Variants in PTPRU observed in about 807,000 individuals in gnomAD.
PTPRU encodes the protein receptor-type tyrosine-protein phosphatase U.
A neutral mutation model predicts 166.3 loss-of-function variants in PTPRU; 69 were observed. The observed-to-expected ratio is 0.41, with a 90% CI of 0.34 to 0.51. The LOEUF is 0.51. PTPRU is among the 20% of genes least tolerant of loss of function. The pLI is 0.09. For synonymous variants in PTPRU, 793 were observed against 814.0 expected (o/e 0.97, Z 0.44); for missense variants, 1,657 against 2,013.7 (o/e 0.82, Z 3.39).
chr1:29,323,587 C>A (rs2151972320), intron 27 of PTPRU, 44 bp from the exon 28 acceptor site: 2 of 1,612,410 alleles, frequency 1.2e-6, no homozygotes, highest in East Asian at 4.5e-5. Flanking sequence ...GCCCCTGGGA[C>A]CCTGGTGCTC....
At position 29,319,579 on chromosome 1, in the gene PTPRU, AT is replaced by A. The variant is rs1688056748; in HGVS notation, c.3688-1105del. 1.3e-5 allele frequency among the ~76,000 whole-genome samples: 2 copies of A among 152,220 alleles called. 1 individual carries two copies. Among genetic ancestry groups the A allele is most frequent in the Non-Finnish European group, 2.9e-5 (2 of 68,038 alleles). ...TGGGCACCCAGGCCTGAGTTTTGGA[AT>A]CTGGCTGGGCCTGGCCTTGAGGAGT... On this transcript the variant is annotated intron_variant, in intron 25 of 29. Coordinates refer to ENST00000373779, the MANE Select transcript of PTPRU (RefSeq NM_133178.4).
chr1:29,318,173 CA>C (rs1427897008), intron 25 of PTPRU, among the ~76,000 whole-genome samples: 5 of 152,176 alleles, frequency 3.3e-5, no homozygotes, highest in African/African-American at 1.2e-4. Flanking sequence ...AGATTAGGCC[CA>C]GCAGAGCCTG....
chr1:29,316,364 A>G (rs1332597548), intron 24 of PTPRU, among the ~76,000 whole-genome samples: 1 of 152,202 alleles, frequency 6.6e-6, no homozygotes, highest in African/African-American at 2.4e-5. Context: ...TTGAAGTCAG[A>G]TAAACCCAGG....
chr1:29,292,165 C>A, intron 15 of PTPRU, 139 bp downstream of exon 15: 1 of 1,147,662 alleles, frequency 8.7e-7, no homozygotes, highest in East Asian at 2.5e-5. Context: ...TGGATACCTT[C>A]TGGATATAGA....
At chr1:29,301,698 A>G (rs1482451614) in intron 15 of PTPRU, among the ~76,000 whole-genome samples, 6 of 152,050 alleles carry the variant, frequency 3.9e-5, no homozygotes, top group Admixed American at 6.6e-5. Context: ...CTTGTCATTT[A>G]CATTAGGTAT....
chr1:29,303,823 T>C (rs1687253005), intron 15 of PTPRU, 32 bp from the exon 16 acceptor site: 2 of 1,572,460 alleles, frequency 1.3e-6, no homozygotes, highest in African/African-American at 1.4e-5. Flanking sequence ...GGCATGTGTG[T>C]CAAGAACCCT....
intron 15 of PTPRU, among the ~76,000 whole-genome samples, chr1:29,296,459 A>G (rs1238745774): frequency 6.6e-6 from 1 of 151,074 alleles, no homozygotes; most frequent in Non-Finnish European, 1.5e-5. Context: ...AATTCCTGGG[A>G]TAAATTCAAC....
chr1:29,248,731 C>T (rs1304639816), intron 1 of PTPRU, among the ~76,000 whole-genome samples: 3 of 152,258 alleles, frequency 2.0e-5, no homozygotes, highest in Non-Finnish European at 2.9e-5. Flanking sequence ...GACACATACA[C>T]GTATGCACAA....
At position 29,309,018 on chromosome 1, in the gene PTPRU, G is replaced by A. The variant is rs567106432; in HGVS notation, c.2821-1726G>A. On this transcript the variant is annotated intron_variant, in intron 18 of 29. Coordinates refer to ENST00000373779, the MANE Select transcript of PTPRU (RefSeq NM_133178.4). ...ACAGCAGGAGGGAATTGGGCTAGAC[G>A]TGGAGAAGTTCCAGTGCTGAGGGCT... Among the ~76,000 whole-genome samples the A allele has an allele frequency of 3.9e-5, 6 of 152,320 alleles. 1 individual carries two copies. The highest frequency in any genetic ancestry group is 4.1e-4 in the South Asian group (2 of 4,826).
At chr1:29,292,935 C>T in intron 15 of PTPRU, among the ~76,000 whole-genome samples, 1 of 151,444 alleles carries the variant, frequency 6.6e-6, no homozygotes, top group Non-Finnish European at 1.5e-5. Context: ...CCTGCCTTAA[C>T]CTCCCAAGTA....
intron 7 of PTPRU, among the ~76,000 whole-genome samples, chr1:29,269,219 CATAT>C (rs1239721913): frequency 0.03 from 1,249 of 42,296 alleles, 58 homozygotes; most frequent in East Asian, 0.19. Context: ...AATTTATATA[CATAT>C]ATATATATAT....
intron 15 of PTPRU, among the ~76,000 whole-genome samples, chr1:29,293,478 GTT>G (rs370297342): frequency 2.2e-5 from 3 of 135,896 alleles, no homozygotes; most frequent in African/African-American, 5.4e-5. Context: ...GTAGTTTTTT[GTT>G]TTTTTTTTTT....
In PTPRU at chr1:29,325,665, G is replaced by A. The variant is rs761779302; in HGVS notation, c.*4G>A. ...GGAGGGGCTGGAGTCAAGATAGCGG[G>A]GCCCTGGCCTGGGGCACCCACTGCA... On this transcript the variant is annotated 3_prime_UTR_variant, in exon 30 of 30. Coordinates refer to ENST00000373779, the MANE Select transcript of PTPRU (RefSeq NM_133178.4). 1 of 1,602,056 alleles carries A rather than the reference G, an allele frequency of 6.2e-7. No homozygotes were observed. The highest frequency in any genetic ancestry group is 2.2e-5 in the East Asian group (1 of 44,864).
At position 29,315,463 on chromosome 1, in the gene PTPRU, G is replaced by T. The variant is rs776960939; in HGVS notation, c.3319G>T (p.Val1107Leu). ...GGGCGTCGTGGACATTTACAACTGT[G>T]TGAAGACTCTCTGCTCCCGGCGTGT... The part of the protein sequence containing the change: ...CEGVVDIYNC[V>L]KTLCSRRVNM... The change falls in exon 23 of 30, where the codon GTG (valine) becomes TTG (leucine). Residue 1107 changes from valine to leucine, a missense_variant. This residue lies in a region of PTPRU where 1,190 missense variants were observed against 1,477.4 expected (regional missense o/e 0.81). Coordinates refer to ENST00000373779, the MANE Select transcript of PTPRU (RefSeq NM_133178.4). The surrounding 1 kb of genome is among the most constrained non-coding windows in gnomAD (Gnocchi z 4.5). 1 of 1,614,144 alleles carries T rather than the reference G, an allele frequency of 6.2e-7. No individual in the cohort carries two copies. Among genetic ancestry groups the T allele is most frequent in the Admixed American group, 1.7e-5 (1 of 60,024 alleles).
intron 18 of PTPRU, among the ~76,000 whole-genome samples, chr1:29,307,830 G>A (rs974531361): frequency 2.0e-5 from 3 of 148,186 alleles, no homozygotes; most frequent in Non-Finnish European, 3.0e-5. Context: ...GCACGATCTC[G>A]GCTCACTGCA....
rs1688103468 is a variant in PTPRU, at chr1:29,320,485, C to T, written c.3688-200C>T. On this transcript the variant is annotated intron_variant, in intron 25 of 29. Coordinates refer to ENST00000373779, the MANE Select transcript of PTPRU (RefSeq NM_133178.4). This position sits in a 1 kb window ranked among gnomAD's most constrained non-coding sequence, Gnocchi z 5.2. ...TCTGGGGGGTCATGGGCTTGGTCCC[C>T]AGAGGCCTGGGCCCACCCTGTCAAC... The T allele has an allele frequency of 2.1e-6, 1 of 484,636 alleles. No homozygotes were observed. Among genetic ancestry groups the T allele is most frequent in the African/African-American group, 2.0e-5 (1 of 50,776 alleles). 30.0% of individuals were successfully genotyped at this position (484,636 alleles called of 1,614,324 possible).
chr1:29,295,012 T>C (rs12083729), intron 15 of PTPRU, among the ~76,000 whole-genome samples: 3,913 of 148,882 alleles, frequency 0.026, 167 homozygotes, highest in African/African-American at 0.089. Flanking sequence ...TCATCAAGGA[T>C]GTCTTGGCTA....
intron 7 of PTPRU, among the ~76,000 whole-genome samples, chr1:29,273,576 T>A (rs1183999568): frequency 2.0e-5 from 3 of 152,070 alleles, no homozygotes; most frequent in Non-Finnish European, 2.9e-5. Context: ...GCCAACTTTT[T>A]ATTTTTTGTA....
Position 29,291,842 on chromosome 1 carries a change from G to A in PTPRU, c.2319-27G>A, listed in dbSNP as rs924427580. On this transcript the variant is annotated intron_variant, in intron 14 of 29. Transcript: ENST00000373779. The surrounding 1 kb of genome is among the most constrained non-coding windows in gnomAD (Gnocchi z 4.1). Reference sequence around the variant, plus strand: ...TGCTGTCCAGCCCCACACAATGCCTGTGTCTCCCCTCAACCCCCCTCTCCA... The same window carrying A: ...TGCTGTCCAGCCCCACACAATGCCTATGTCTCCCCTCAACCCCCCTCTCCA... 4.3e-6 allele frequency: 7 copies of A among 1,611,434 alleles called. No individual in the cohort carries two copies. Among genetic ancestry groups the A allele is most frequent in the African/African-American group, 1.3e-5 (1 of 74,892 alleles).
Sources: gnomAD v4.1 joint callset for allele counts (sites outside exome capture counted in the v4.1 genomes callset) on GRCh38, gnomAD v4.1.1 for gene constraint, gnomAD v4.1.1 regional missense constraint, Gnocchi (gnomAD v3.1) non-coding constraint, MANE v1.5 for transcripts, NCBI Gene and HGNC (gene_info 2026-07-23, HGNC 2026-07-21) for gene names.